BRWD1: variants seen among roughly 807,000 people sequenced by gnomAD.
BRWD1 encodes the protein bromodomain and WD repeat-containing protein 1.
Under a neutral mutation model 251.2 loss-of-function variants are expected in BRWD1, and 82 were observed. The ratio of observed to expected loss-of-function variants is 0.33; its 90% CI spans 0.27 to 0.39. BRWD1 has a LOEUF of 0.39. Ranked by LOEUF, BRWD1 falls within the 10% of genes least tolerant of loss-of-function variation. The probability of loss-of-function intolerance (pLI) is 1.00; values close to 1 mark genes in which losing one functional copy is unlikely to be tolerated. For synonymous variants in BRWD1, 918 were observed against 902.8 expected, an observed-to-expected ratio of 1.02 and a Z score of -0.30; for missense variants, 2,233 against 2,711.6, an observed-to-expected ratio of 0.82 and a Z score of 3.92.
chr21:39,289,621 A>T (rs1292583957), intron 8 of BRWD1, among the ~76,000 whole-genome samples: 1 of 152,208 alleles, frequency 6.6e-6, no homozygotes, highest in Non-Finnish European at 1.5e-5. Flanking sequence ...ATATACTTTC[A>T]TTCTTCAATG....
In BRWD1 at chr21:39,190,989, G is replaced by C. The variant is rs577482857; in HGVS notation, c.*5270C>G. ...CTCACCCCTAGAAAAACTCAGATTT[G>C]TGATGGCTATTGCAATTTTTAATAA... is the stretch of plus-strand genomic sequence containing the variant. On this transcript the variant is annotated 3_prime_UTR_variant, in exon 41 of 41. Transcript: ENST00000342449. 1.0e-6 allele frequency: 1 copy of C among 985,116 alleles called. No homozygotes were observed. The highest frequency in any genetic ancestry group is 1.7e-5 in the African/African-American group (1 of 57,184). 61.0% of individuals were successfully genotyped at this position (985,116 alleles called of 1,614,324 possible).
chr21:39,222,093 A>T (rs1350425381), intron 29 of BRWD1, among the ~76,000 whole-genome samples: 1 of 152,140 alleles, frequency 6.6e-6, no homozygotes, highest in African/African-American at 2.4e-5. Flanking sequence ...ACCCACATAC[A>T]CTGTTGCTGG....
chr21:39,274,312 AG>A, intron 13 of BRWD1, 61 bp downstream of exon 13: 1 of 1,260,024 alleles, frequency 7.9e-7, no homozygotes, highest in Non-Finnish European at 1.2e-6. Context: ...AGCGAGAGAG[AG>A]AGAGAGAGAG....
At chr21:39,224,609 T>A in intron 28 of BRWD1, 140 bp from the exon 29 acceptor site, 1 of 567,418 alleles carries the variant, frequency 1.8e-6, no homozygotes, top group Non-Finnish European at 3.1e-6. Flanking sequence ...TAAATTTTTT[T>A]AAGAAGGATA....
intron 21 of BRWD1, among the ~76,000 whole-genome samples, chr21:39,244,921 A>AATATATATATAT (rs56801824): frequency 0.012 from 1,346 of 112,434 alleles, 55 homozygotes; most frequent in East Asian, 0.051. Context: ...CTTTGGAAGA[A>AATATATATATAT]ATATATATAT....
intron 4 of BRWD1, among the ~76,000 whole-genome samples, chr21:39,309,816 C>A (rs2036414558): frequency 1.5e-5 from 2 of 129,302 alleles, no homozygotes; most frequent in African/African-American, 5.8e-5. Context: ...CAGAGCGAGA[C>A]TCCGTCTCAA....
intron 37 of BRWD1, among the ~76,000 whole-genome samples, chr21:39,205,677 CAGG>C (rs2032352215): frequency 6.6e-6 from 1 of 152,154 alleles, no homozygotes; most frequent in Non-Finnish European, 1.5e-5. Context: ...GAGGCTGAGG[CAGG>C]AGAACTGCTT....
At chr21:39,243,028 C>T (rs2034056035) in intron 21 of BRWD1, among the ~76,000 whole-genome samples, 1 of 152,186 alleles carries the variant, frequency 6.6e-6, no homozygotes. Context: ...ATCCATTCTG[C>T]AGCCCATGGA....
intron 23 of BRWD1, among the ~76,000 whole-genome samples, chr21:39,233,084 T>C (rs2033680041): frequency 6.6e-6 from 1 of 151,942 alleles, no homozygotes; most frequent in Non-Finnish European, 1.5e-5. Context: ...AATCATTCAC[T>C]CTGAGGAAAA....
chr21:39,257,871 T>C (rs992006244), intron 18 of BRWD1, among the ~76,000 whole-genome samples: 1 of 152,140 alleles, frequency 6.6e-6, no homozygotes, highest in Admixed American at 6.6e-5. Context: ...GTAAAGAATA[T>C]ATGGCTGTTC....
At chr21:39,286,012 T>C (rs1226090373) in intron 8 of BRWD1, among the ~76,000 whole-genome samples, 1 of 113,660 alleles carries the variant, frequency 8.8e-6, no homozygotes, top group Admixed American at 1.1e-4. Flanking sequence ...ACTCACCATA[T>C]GAACTTTTTT....
intron 37 of BRWD1, 152 bp from the exon 38 acceptor site, chr21:39,202,697 T>G: frequency 1.7e-6 from 1 of 594,350 alleles, no homozygotes. Context: ...TAACATTTTA[T>G]TCTGGCACTG....
chr21:39,298,559 A>G lies in BRWD1; in HGVS notation c.222T>C (p.Ala74=). ...EELVLSNKHV[A]PDHLLQICQR... ...GGCAGATTTGCAAAAGATGATCAGG[A>G]GCCACATGCTTATTGGACAAGACCT... Residue 74 remains alanine (A), a synonymous_variant, in exon 5 of 41, where the codon GCT becomes GCC. Transcript: ENST00000342449. 2.5e-6 allele frequency: 4 copies of G among 1,601,160 alleles called. No individual in the cohort carries two copies. The highest frequency in any genetic ancestry group is 3.4e-6 in the Non-Finnish European group (4 of 1,175,534).
At chr21:39,211,714 C>A (rs1452980420) in intron 34 of BRWD1, among the ~76,000 whole-genome samples, 1 of 152,088 alleles carries the variant, frequency 6.6e-6, no homozygotes, top group Admixed American at 6.5e-5. Context: ...AATACAAATA[C>A]TAAACACTTG....
chr21:39,221,879 G>A (rs1206615697), intron 29 of BRWD1, among the ~76,000 whole-genome samples: 1 of 151,172 alleles, frequency 6.6e-6, no homozygotes, highest in African/African-American at 2.4e-5. Context: ...ACTTCAACCT[G>A]GGCAAAGAGG....
rs767772626 is a variant in BRWD1 at position 39,213,546 on chromosome 21, G to A, written c.3793C>T (p.His1265Tyr). 2 of 1,605,056 alleles carry A rather than the reference G, an allele frequency of 1.2e-6. No individual in the cohort carries two copies. Among genetic ancestry groups the A allele is most frequent in the South Asian group, 2.2e-5 (2 of 89,032 alleles). The change falls in exon 33 of 41, where the codon CAC (histidine) becomes TAC (tyrosine). Residue 1265 changes from histidine (H) to tyrosine (Y), a missense_variant. His to Tyr is a moderately conservative substitution (Grantham distance 83). Transcript: ENST00000342449. ...DQLLKFIKNQ[H>Y]CTNISELSNT... ...GAAAGTTCTGAGATATTTGTACAGT[G>A]TTGATTCCTAAAAAACAAATTTTCA...
At chr21:39,243,202 A>G (rs578247943) in intron 21 of BRWD1, among the ~76,000 whole-genome samples, 1 of 152,330 alleles carries the variant, frequency 6.6e-6, no homozygotes, top group Non-Finnish European at 1.5e-5. Flanking sequence ...ATTTTCTGTC[A>G]TATTACTGCC....
intron 8 of BRWD1, among the ~76,000 whole-genome samples, chr21:39,285,865 A>G (rs2035615990): frequency 1.2e-5 from 1 of 85,448 alleles, no homozygotes; most frequent in Non-Finnish European, 2.3e-5. Context: ...ACTTGAGCCC[A>G]GTCAACAAAA....
rs2031391017 is a variant in BRWD1, at chr21:39,188,828, T to C, written c.*7431A>G. 6 of 985,442 alleles carry C rather than the reference T, an allele frequency of 6.1e-6. No individual in the cohort carries two copies. In the Admixed American group the frequency reaches 1.8e-4, roughly 30 times the overall value. The allele number at this position is 985,442 out of a possible 1,614,324, so 61.0% of individuals were successfully genotyped here. ...TGCCAACTAACTTATGTGATTCACATGTTTTTCCAGTGAAATTCTAAGGGC... is the reference window on the plus strand; with the variant it reads ...TGCCAACTAACTTATGTGATTCACACGTTTTTCCAGTGAAATTCTAAGGGC... On this transcript the variant is annotated 3_prime_UTR_variant, in exon 41 of 41. Transcript: ENST00000342449.
Sources: allele counts gnomAD v4.1 joint callset (sites outside exome capture counted in the v4.1 genomes callset), GRCh38; gene constraint gnomAD v4.1.1; transcripts MANE v1.5; gene names NCBI Gene and HGNC (gene_info 2026-07-23, HGNC 2026-07-21).